Variants in RAB31 observed in about 807,000 individuals in gnomAD.
RAB31 encodes RAB31, member RAS oncogene family.
RAB31 carries 21 observed loss-of-function variants against 25.6 expected under a neutral mutation model. The observed-to-expected ratio is 0.82, with a 90% CI of 0.58 to 1.18. RAB31 has a LOEUF of 1.18. Among genes scored for constraint, RAB31 ranks in the 50% most tolerant of loss-of-function variants. The probability of loss-of-function intolerance (pLI) is 0.00; values close to 1 mark genes in which losing one functional copy is unlikely to be tolerated. For missense variants in RAB31, 196 were observed against 250.1 expected (o/e 0.78, Z 1.46); for synonymous variants, 87 against 84.0 (o/e 1.04, Z -0.20).
intron 1 of RAB31, among the ~76,000 whole-genome samples, chr18:9,728,363 T>A (rs1476852742): frequency 1.3e-5 from 2 of 152,204 alleles, no homozygotes; most frequent in African/African-American, 4.8e-5. Context: ...GTGAATGAAA[T>A]GTATTTGTGG....
At chr18:9,779,524 T>C (rs1027855855) in intron 2 of RAB31, among the ~76,000 whole-genome samples, 7 of 152,226 alleles carry the variant, frequency 4.6e-5, no homozygotes, top group Admixed American at 4.6e-4. Context: ...TGCCAGCCTC[T>C]GGGAAACTGA....
In RAB31 at chr18:9,859,361, A is replaced by G; in HGVS notation, c.*36A>G. Reference sequence around the variant, plus strand: ...GTGGTCCACGGTACTTGAAGAAGCCAGAGCCCACATCCTGTGCACTGCTGA... The same window carrying G: ...GTGGTCCACGGTACTTGAAGAAGCCGGAGCCCACATCCTGTGCACTGCTGA... On this transcript the variant is annotated 3_prime_UTR_variant, in exon 7 of 7. Coordinates refer to ENST00000578921, the MANE Select transcript of RAB31 (RefSeq NM_006868.4). The G allele has an allele frequency of 1.9e-6, 3 of 1,555,102 alleles. No homozygotes were observed. The highest frequency in any genetic ancestry group is 2.7e-6 in the Non-Finnish European group (3 of 1,126,924).
In RAB31 at chr18:9,756,364, T is replaced by C. The variant is rs115088143; in HGVS notation, c.40-18914T>C. Among the ~76,000 whole-genome samples the C allele has an allele frequency of 9.6e-3, 1,470 of 152,332 alleles. 23 individuals carry two copies. The highest frequency in any genetic ancestry group is 0.034 in the African/African-American group (1,419 of 41,568). ...GGCAGACTGTAATATCCCCAGCTTA[T>C]AAATAATGTGGAAGTGTATTGACTG... is the stretch of plus-strand genomic sequence containing the variant. On this transcript the variant is annotated intron_variant, in intron 1 of 6. Coordinates refer to ENST00000578921, the MANE Select transcript of RAB31 (RefSeq NM_006868.4).
chr18:9,711,015 A>ACAAATCTTACT (rs1599006601), intron 1 of RAB31, among the ~76,000 whole-genome samples: 2 of 151,988 alleles, frequency 1.3e-5, no homozygotes, highest in East Asian at 3.9e-4. Flanking sequence ...CACACTGAGT[A>ACAAATCTTACT]AGATTTGCCA....
chr18:9,708,718 C>G lies in RAB31; in HGVS notation c.39+274C>G, dbSNP rs1599005300. 6.6e-6 allele frequency among the ~76,000 whole-genome samples: 1 copy of G among 152,176 alleles called. No individual in the cohort carries two copies. Among genetic ancestry groups the G allele is most frequent in the East Asian group, 2.0e-4 (1 of 5,124 alleles). ...TGCGCCCCTCTGGTCCGCCCCCGCT[C>G]TCACCCTGCCGGGGTCCGGGTCCGA... On this transcript the variant is annotated intron_variant, in intron 1 of 6. Coordinates refer to ENST00000578921, the MANE Select transcript of RAB31 (RefSeq NM_006868.4). The surrounding 1 kb of genome is among the most constrained non-coding windows in gnomAD (Gnocchi z 6.4).
At chr18:9,825,726 C>T (rs964788625) in intron 5 of RAB31, among the ~76,000 whole-genome samples, 15 of 152,222 alleles carry the variant, frequency 9.9e-5, no homozygotes, top group African/African-American at 3.6e-4. Context: ...CTGCAGGCTG[C>T]ACTGTCTGGG....
rs537800290 is a variant in RAB31, at chr18:9,853,852, AT to A, written c.491-5375del. Among the ~76,000 whole-genome samples the A allele has an allele frequency of 5.1e-3, 772 of 151,626 alleles. 9 individuals are homozygous for A. Among genetic ancestry groups the A allele is most frequent in the African/African-American group, 0.018 (748 of 41,454 alleles). ...CCATAAACCAAAAACTGCTCAAAAA[AT>A]AAATAAATAAAGTTTATCAATTAAA... is the stretch of plus-strand genomic sequence containing the variant. On this transcript the variant is annotated intron_variant, in intron 6 of 6. Transcript: ENST00000578921.
intron 5 of RAB31, among the ~76,000 whole-genome samples, chr18:9,842,167 A>T (rs2068737763): frequency 6.6e-6 from 1 of 152,190 alleles, no homozygotes; most frequent in Admixed American, 6.5e-5. Flanking sequence ...TGTGCTCAGC[A>T]GCCCGGACCC....
intron 1 of RAB31, among the ~76,000 whole-genome samples, chr18:9,739,411 G>A (rs2068166612): frequency 6.6e-6 from 1 of 152,212 alleles, no homozygotes; most frequent in African/African-American, 2.4e-5. Context: ...GGCAGAGCTT[G>A]CAGTGGGCCG....
intron 5 of RAB31, among the ~76,000 whole-genome samples, chr18:9,827,691 G>A (rs528717178): frequency 6.6e-6 from 1 of 152,292 alleles, no homozygotes; most frequent in African/African-American, 2.4e-5. Flanking sequence ...AAGACAAAGG[G>A]CATCTAGTGT....
chr18:9,801,502 A>G (rs1252673181), intron 3 of RAB31, among the ~76,000 whole-genome samples: 1 of 152,032 alleles, frequency 6.6e-6, no homozygotes, highest in Admixed American at 6.6e-5. Flanking sequence ...AGATGTCTCA[A>G]ACTCCTGACC....
chr18:9,843,853 C>G lies in RAB31; in HGVS notation c.381-1729C>G, dbSNP rs78291875. 2.1e-3 allele frequency among the ~76,000 whole-genome samples: 324 copies of G among 152,268 alleles called. 1 individual carries two copies. The highest frequency in any genetic ancestry group is 7.4e-3 in the African/African-American group (306 of 41,566). On this transcript the variant is annotated intron_variant, in intron 5 of 6. Transcript: ENST00000578921. ...TGGTAGACCCTAGTCAGGCGCTTTT[C>G]CAGCTAGGACTGAAGGGTCTTCCCC...
Position 9,860,758 on chromosome 18 carries a change from G to C in RAB31, c.*1433G>C, listed in dbSNP as rs610532. 1.3e-5 allele frequency: 2 copies of C among 151,972 alleles called. No individual in the cohort carries two copies. Among genetic ancestry groups the C allele is most frequent in the African/African-American group, 4.8e-5 (2 of 41,352 alleles). 9.4% of individuals were successfully genotyped at this position (151,972 alleles called of 1,614,324 possible). On this transcript the variant is annotated 3_prime_UTR_variant, in exon 7 of 7. Transcript: ENST00000578921. The stretch of plus-strand genomic sequence containing the variant: ...TCTTTGCCATGAGCATTCAAGGGAC[G>C]GCTAACCTTTATTGACAATCTATAT...
In RAB31 at chr18:9,775,170, A is replaced by G. The variant is rs573781976; in HGVS notation, c.40-108A>G. 4.1e-3 allele frequency: 6,380 copies of G among 1,555,258 alleles called. 16 individuals carry two copies. Among genetic ancestry groups the G allele is most frequent in the Non-Finnish European group, 5.1e-3 (5,811 of 1,144,766 alleles). On this transcript the variant is annotated intron_variant, in intron 1 of 6. Coordinates refer to ENST00000578921, the MANE Select transcript of RAB31 (RefSeq NM_006868.4). ...CCCACTCCCTCTCCCAGTCTCATCA[A>G]CCAGAAATAGCCAGTCGTGTCCTCT...
chr18:9,726,714 G>A (rs1425361459), intron 1 of RAB31, among the ~76,000 whole-genome samples: 2 of 152,084 alleles, frequency 1.3e-5, no homozygotes. Flanking sequence ...GAATACTGTA[G>A]AACATCATTA....
intron 1 of RAB31, among the ~76,000 whole-genome samples, chr18:9,747,601 C>T (rs1270756503): frequency 6.6e-6 from 1 of 152,118 alleles, no homozygotes; most frequent in East Asian, 1.9e-4. Flanking sequence ...TGAGAGAAAC[C>T]AGACACAAAA....
rs193233020 is a variant in RAB31 at position 9,822,595 on chromosome 18, A to G, written c.380+7373A>G. ...TCTATAAGGGACTAGTATGTAGACT[A>G]TATAAAGAACTCACAAAATTTACAT... On this transcript the variant is annotated intron_variant, in intron 5 of 6. Coordinates refer to ENST00000578921, the MANE Select transcript of RAB31 (RefSeq NM_006868.4). 9.3e-4 allele frequency among the ~76,000 whole-genome samples: 141 copies of G among 152,334 alleles called. 1 individual carries two copies. The highest frequency in any genetic ancestry group is 3.2e-3 in the African/African-American group (134 of 41,580).
intron 1 of RAB31, among the ~76,000 whole-genome samples, chr18:9,719,366 A>G (rs2068063135): frequency 7.8e-6 from 1 of 128,032 alleles, no homozygotes; most frequent in African/African-American, 2.9e-5. Flanking sequence ...GGGAGGGGAA[A>G]TGATCTAGTA....
intron 5 of RAB31, among the ~76,000 whole-genome samples, chr18:9,838,767 G>A (rs542005361): frequency 1.1e-4 from 16 of 152,324 alleles, no homozygotes; most frequent in Admixed American, 3.3e-4. Context: ...CTGGAATACA[G>A]GCTGGTTAAC....
Sources: allele counts gnomAD v4.1 joint callset (sites outside exome capture counted in the v4.1 genomes callset), GRCh38; gene constraint gnomAD v4.1.1; non-coding constraint Gnocchi (gnomAD v3.1); transcripts MANE v1.5; gene names NCBI Gene and HGNC (gene_info 2026-07-23, HGNC 2026-07-21).